SLC12A2: variants seen among roughly 807,000 people sequenced by gnomAD.
The protein encoded by SLC12A2 is Na-K-2Cl cotransporter 1.
Under a neutral mutation model 136.3 loss-of-function variants are expected in SLC12A2, and 67 were observed. The observed-to-expected ratio is 0.49, with a 90% CI of 0.40 to 0.60. The LOEUF is 0.60. Among genes scored for constraint, SLC12A2 ranks in the 20% least tolerant of loss-of-function variants. SLC12A2 has a pLI of 0.00. For synonymous variants in SLC12A2, 619 were observed against 562.9 expected (o/e 1.10, Z -1.41); for missense variants, 1,322 against 1,534.7 (o/e 0.86, Z 2.32).
In SLC12A2 at chr5:128,189,176, A is replaced by G. The variant is rs1421663020; in HGVS notation, c.*2545A>G. On this transcript the variant is annotated 3_prime_UTR_variant, in exon 27 of 27. Coordinates refer to ENST00000262461, the MANE Select transcript of SLC12A2 (RefSeq NM_001046.3). Reference sequence around the variant, plus strand: ...CAAGGTTATAGTACTTATTTCAACAATTCTTAGAGATGCTAGCTAGTGTTG... The same window carrying G: ...CAAGGTTATAGTACTTATTTCAACAGTTCTTAGAGATGCTAGCTAGTGTTG... The G allele has an allele frequency of 1.3e-5, 2 of 152,188 alleles. No homozygotes were observed. Among genetic ancestry groups the G allele is most frequent in the Admixed American group, 1.3e-4 (2 of 15,270 alleles). The allele number at this position is 152,188 out of a possible 1,614,324, so 9.4% of individuals were successfully genotyped here.
At chr5:128,169,702 A>G (rs1763309893) in intron 18 of SLC12A2, 1 of 152,150 alleles carries the variant, frequency 6.6e-6, no homozygotes, top group African/African-American at 2.4e-5. Context: ...ATGAAACCCT[A>G]TGCTTTTTCC....
intron 1 of SLC12A2, among the ~76,000 whole-genome samples, chr5:128,108,305 T>G (rs1761022045): frequency 6.6e-6 from 1 of 152,252 alleles, no homozygotes; most frequent in Non-Finnish European, 1.5e-5. Context: ...CACTCATAGG[T>G]GTATCCTCAA....
intron 4 of SLC12A2, among the ~76,000 whole-genome samples, chr5:128,123,330 C>T (rs1238478510): frequency 1.3e-5 from 2 of 152,022 alleles, no homozygotes; most frequent in Non-Finnish European, 2.9e-5. Flanking sequence ...AGGCAAACTC[C>T]TTATTTTTAT....
intron 15 of SLC12A2, among the ~76,000 whole-genome samples, chr5:128,156,965 A>T (rs888207055): frequency 1.3e-5 from 2 of 152,194 alleles, no homozygotes; most frequent in African/African-American, 4.8e-5. Context: ...AGTTAATGTA[A>T]CTTGCTAAAG....
At chr5:128,180,341 C>T (rs1358610206) in intron 22 of SLC12A2, among the ~76,000 whole-genome samples, 2 of 152,062 alleles carry the variant, frequency 1.3e-5, no homozygotes, top group Non-Finnish European at 2.9e-5. Context: ...ACTTTCCCTT[C>T]ACAGCCACGA....
At chr5:128,137,147 A>C (rs1762214733) in intron 7 of SLC12A2, among the ~76,000 whole-genome samples, 2 of 152,164 alleles carry the variant, frequency 1.3e-5, no homozygotes, top group South Asian at 4.1e-4. Flanking sequence ...TTGCGTGTTT[A>C]TGACCCTACT....
intron 24 of SLC12A2, among the ~76,000 whole-genome samples, chr5:128,183,527 A>G (rs1349236262): frequency 1.3e-5 from 2 of 151,900 alleles, no homozygotes; most frequent in Non-Finnish European, 2.9e-5. Context: ...TTATTGTAAC[A>G]CAGTGTATAC....
intron 1 of SLC12A2, among the ~76,000 whole-genome samples, chr5:128,092,062 C>T (rs1347423150): frequency 6.6e-6 from 1 of 152,060 alleles, no homozygotes; most frequent in African/African-American, 2.4e-5. Flanking sequence ...TTGAGTATTC[C>T]AGTGGGGAAA....
intron 17 of SLC12A2, among the ~76,000 whole-genome samples, chr5:128,166,599 A>G (rs908138904): frequency 1.3e-5 from 2 of 152,092 alleles, no homozygotes; most frequent in African/African-American, 4.8e-5. Context: ...CACTCATGCA[A>G]TATCTAGAAT....
At position 128,111,478 on chromosome 5, in the gene SLC12A2, T is replaced by C. The variant is rs994262624; in HGVS notation, c.757-1336T>C. Among the ~76,000 whole-genome samples the C allele has an allele frequency of 6.9e-4, 105 of 152,166 alleles. 1 individual carries two copies. The highest frequency in any genetic ancestry group is 2.5e-3 in the African/African-American group (102 of 41,536). ...ATCTCATTTCTGTTAAAAGAAAATA[T>C]ATATAGGCTGGGCACGGTGGCTCAC... is the stretch of plus-strand genomic sequence containing the variant. On this transcript the variant is annotated intron_variant, in intron 1 of 26. Transcript: ENST00000262461.
In SLC12A2 at chr5:128,186,790, A is replaced by C; in HGVS notation, c.*159A>C. ...ACACAGGAAAGTTGCTCCATTGATA[A>C]CGTGTATGGAGACTTCGGTTTTAGT... On this transcript the variant is annotated 3_prime_UTR_variant, in exon 27 of 27. Transcript: ENST00000262461. The C allele has an allele frequency of 1.5e-6, 1 of 680,208 alleles. No individual in the cohort carries two copies. The highest frequency in any genetic ancestry group is 2.4e-6 in the Non-Finnish European group (1 of 415,764). The allele number at this position is 680,208 out of a possible 1,614,324, so 42.1% of individuals were successfully genotyped here. A position where few individuals can be genotyped will look rare whatever the true frequency, so the allele number is the denominator to read the frequency against.
chr5:128,135,654 T>C (rs768736307), intron 6 of SLC12A2, 46 bp from the exon 7 acceptor site: 60 of 1,205,674 alleles, frequency 5.0e-5, no homozygotes, highest in Non-Finnish European at 7.4e-5. Context: ...AATCAAGATA[T>C]AGAAACAAGA....
chr5:128,084,705 G>C lies in SLC12A2; in HGVS notation c.751G>C (p.Glu251Gln). 6.3e-7 allele frequency: 1 copy of C among 1,590,702 alleles called. No individual in the cohort carries two copies. The highest frequency in any genetic ancestry group is 8.6e-7 in the Non-Finnish European group (1 of 1,166,972). Residue 251 changes from glutamate (E) to glutamine (Q), a missense_variant, in exon 1 of 27, where the codon GAA becomes CAA. Physicochemically the swap from Glu to Gln is conservative, Grantham distance 29. Transcript: ENST00000262461. This position sits in a 1 kb window ranked among gnomAD's most constrained non-coding sequence, Gnocchi z 5.6. ...CCTGGCGGAGCTCCACGACGAGCTG[G>C]AAAAGGTGAGCTCGCCCAGCCCTCC... ...PSLAELHDEL[E>Q]KEPFEDGFAN... is the part of the protein sequence containing the mutation.
chr5:128,150,133 C>A (rs767836447), intron 13 of SLC12A2, 35 bp downstream of exon 13: 27 of 1,292,586 alleles, frequency 2.1e-5, no homozygotes, highest in Non-Finnish European at 2.8e-5. Context: ...TTGTAAATAT[C>A]ATTTTTGATT....
intron 4 of SLC12A2, among the ~76,000 whole-genome samples, chr5:128,121,129 T>G (rs2126681585): frequency 6.6e-6 from 1 of 152,306 alleles, no homozygotes; most frequent in Non-Finnish European, 1.5e-5. Flanking sequence ...TTTTAGAGAT[T>G]AAACAGATAT....
intron 1 of SLC12A2, chr5:128,110,833 G>C (rs770863161): frequency 7.5e-6 from 11 of 1,473,198 alleles, no homozygotes; most frequent in Non-Finnish European, 1.0e-5. Flanking sequence ...TAATCTCATG[G>C]ATGATGACAT....
chr5:128,176,312 T>C (rs1001908542), intron 20 of SLC12A2, among the ~76,000 whole-genome samples: 2 of 151,996 alleles, frequency 1.3e-5, no homozygotes, highest in Admixed American at 1.3e-4. Context: ...TTTTAACTCC[T>C]GGGAATATAA....
chr5:128,126,972 T>TATATATATATATATAA (rs1761833098), intron 4 of SLC12A2, among the ~76,000 whole-genome samples: 1 of 99,200 alleles, frequency 1.0e-5, no homozygotes, highest in African/African-American at 6.1e-5. Flanking sequence ...ATATATTTTT[T>TATATATATATATATAA]TTTTTTTTTT....
chr5:128,132,590 A>G (rs1461126913), intron 5 of SLC12A2, among the ~76,000 whole-genome samples: 4 of 152,184 alleles, frequency 2.6e-5, no homozygotes, highest in Non-Finnish European at 4.4e-5. Flanking sequence ...TTCCTCAAAT[A>G]TTATTAAATG....
Sources: gnomAD v4.1 joint callset for allele counts (sites outside exome capture counted in the v4.1 genomes callset) on GRCh38, gnomAD v4.1.1 for gene constraint, Gnocchi (gnomAD v3.1) non-coding constraint, MANE v1.5 for transcripts, NCBI Gene and HGNC (gene_info 2026-07-23, HGNC 2026-07-21) for gene names.